Variants in VRTN observed in about 807,000 individuals in gnomAD.
The protein encoded by VRTN is vertebrae development associated.
VRTN carries 5 observed loss-of-function variants against 18.2 expected under a neutral mutation model. That is an observed-to-expected ratio of 0.27 (90% CI 0.14 to 0.58). The LOEUF (loss-of-function observed/expected upper bound fraction) is 0.58, where lower values mean the gene tolerates loss of function less well. Ranked by LOEUF, VRTN falls within the 20% of genes least tolerant of loss-of-function variation. The pLI is 0.91. For missense variants in VRTN, 741 were observed against 939.4 expected, an observed-to-expected ratio of 0.79 and a Z score of 2.76; for synonymous variants, 381 against 393.7, an observed-to-expected ratio of 0.97 and a Z score of 0.38.
chr14:74,338,471 G>C (rs2085579661), intron 2 of VRTN, among the ~76,000 whole-genome samples: 1 of 152,216 alleles, frequency 6.6e-6, no homozygotes, highest in Non-Finnish European at 1.5e-5. Flanking sequence ...CTTCTGTCCT[G>C]ACTGGAAGAC....
At chr14:74,349,915 G>C (rs1198311755) in intron 1 of VRTN, among the ~76,000 whole-genome samples, 1 of 152,158 alleles carries the variant, frequency 6.6e-6, no homozygotes, top group Non-Finnish European at 1.5e-5. Flanking sequence ...AGGAGGGGAT[G>C]AGCCTGTGCA....
At chr14:74,350,381 G>T (rs2085676063) in intron 1 of VRTN, among the ~76,000 whole-genome samples, 1 of 150,992 alleles carries the variant, frequency 6.6e-6, no homozygotes. Context: ...GGGAAGAGTA[G>T]ATAGGGTGGG....
At chr14:74,328,353 C>A (rs569391963) in intron 1 of VRTN, among the ~76,000 whole-genome samples, 57 of 152,116 alleles carry the variant, frequency 3.7e-4, no homozygotes, top group African/African-American at 1.3e-3. Flanking sequence ...GCCATTTCAG[C>A]CACAATACTC....
intron 2 of VRTN, among the ~76,000 whole-genome samples, chr14:74,342,079 C>T (rs1355047875): frequency 6.6e-6 from 1 of 152,036 alleles, no homozygotes; most frequent in Non-Finnish European, 1.5e-5. Flanking sequence ...ACAGATACGT[C>T]AGTCCAGGAG....
At chr14:74,323,755 G>C (rs2085470431) in intron 1 of VRTN, among the ~76,000 whole-genome samples, 1 of 152,074 alleles carries the variant, frequency 6.6e-6, no homozygotes, top group Non-Finnish European at 1.5e-5. Context: ...GGAAGGTCAG[G>C]GAATCAGGAG....
At chr14:74,303,266 T>C (rs1173646752) in intron 1 of VRTN, 6 of 233,356 alleles carry the variant, frequency 2.6e-5, no homozygotes, top group Non-Finnish European at 8.2e-6. Context: ...AAATTAGGCT[T>C]CCAGCCGGGC....
At chr14:74,306,156 A>ATTTTTTTTTTTTTTTTTTTTTTTTTTT (rs1567036588) in intron 1 of VRTN, 1 of 73,420 alleles carries the variant, frequency 1.4e-5, no homozygotes, top group African/African-American at 7.0e-5. Flanking sequence ...ATATATATAT[A>ATTTTTTTTTTTTTTTTTTTTTTTTTTT]TATATATATA....
At position 74,318,711 on chromosome 14, in the gene VRTN, CTT is replaced by C. The variant is rs35673718; in HGVS notation, c.-164+15555_-164+15556del. Among the ~76,000 whole-genome samples the C allele has an allele frequency of 4.9e-3, 593 of 121,630 alleles. 2 individuals are homozygous for C. Among genetic ancestry groups the C allele is most frequent in the African/African-American group, 0.018 (522 of 29,484 alleles). The allele number at this position is 121,630 out of a possible 152,430, so 79.8% of individuals were successfully genotyped here. On this transcript the variant is annotated intron_variant, in intron 1 of 2. Transcript: ENST00000557177. ...ACAGGCGTGAGCCACCGTGTCCGGC[CTT>C]TTTTTTTTTTTTTTTTTTTAAATGG...
At chr14:74,319,675 T>C (rs2085440904) in intron 1 of VRTN, among the ~76,000 whole-genome samples, 1 of 152,160 alleles carries the variant, frequency 6.6e-6, no homozygotes, top group South Asian at 2.1e-4. Context: ...ACATAAGCAA[T>C]TGGCTGTTTG....
chr14:74,345,808 C>T (rs1245783978), upstream of VRTN, among the ~76,000 whole-genome samples: 2 of 151,094 alleles, frequency 1.3e-5, no homozygotes, highest in African/African-American at 2.4e-5. Flanking sequence ...CCTGTAATCC[C>T]AGCTACTGGG....
chr14:74,340,960 T>G (rs371504485), intron 2 of VRTN, among the ~76,000 whole-genome samples: 5 of 151,824 alleles, frequency 3.3e-5, no homozygotes, highest in Non-Finnish European at 7.4e-5. Context: ...GCCAGGATGG[T>G]CTTGATCTCC....
intron 1 of VRTN, among the ~76,000 whole-genome samples, chr14:74,315,929 A>G (rs1178105344): frequency 6.6e-6 from 1 of 152,178 alleles, no homozygotes; most frequent in Non-Finnish European, 1.5e-5. Flanking sequence ...GTTGGGCCAC[A>G]GTGGCCCTCC....
At chr14:74,309,037 T>C (rs2085372179) in intron 1 of VRTN, among the ~76,000 whole-genome samples, 1 of 152,116 alleles carries the variant, frequency 6.6e-6, no homozygotes, top group South Asian at 2.1e-4. Context: ...TAATTTCTGT[T>C]TGAACCTCTT....
At chr14:74,304,375 C>G (rs1456579511) in intron 1 of VRTN, among the ~76,000 whole-genome samples, 1 of 151,966 alleles carries the variant, frequency 6.6e-6, no homozygotes, top group Non-Finnish European at 1.5e-5. Flanking sequence ...AGGCTGGTCT[C>G]GAACTCCCGA....
chr14:74,329,601 C>T (rs1341718293), intron 1 of VRTN, among the ~76,000 whole-genome samples: 5 of 148,816 alleles, frequency 3.4e-5, no homozygotes, highest in Non-Finnish European at 4.5e-5. Context: ...TTTTTTGAGA[C>T]GGAGTCTCAC....
upstream of VRTN, among the ~76,000 whole-genome samples, chr14:74,345,282 T>C (rs1322197902): frequency 1.3e-5 from 2 of 151,492 alleles, no homozygotes; most frequent in Admixed American, 1.3e-4. Context: ...TGGGCTCAAC[T>C]GATCCTTCTG....
exon 1 of VRTN, chr14:74,303,083 G>A (rs1357048282): frequency 1.3e-5 from 8 of 632,148 alleles, no homozygotes; most frequent in Non-Finnish European, 1.7e-5. Flanking sequence ...GTACCAGAGA[G>A]TGGACTCGGC....
intron 1 of VRTN, among the ~76,000 whole-genome samples, chr14:74,306,248 G>T (rs1459226396): frequency 6.9e-6 from 1 of 144,242 alleles, no homozygotes; most frequent in African/African-American, 2.6e-5. Flanking sequence ...ACAGCTGACC[G>T]CAGCCTCCAT....
Position 74,358,448 on chromosome 14 carries a change from G to A in VRTN, c.1665G>A (p.Leu555=), listed in dbSNP as rs759325155. The A allele has an allele frequency of 6.2e-6, 10 of 1,614,214 alleles. No homozygotes were observed. Among genetic ancestry groups the A allele is most frequent in the Non-Finnish European group, 8.5e-6 (10 of 1,180,038 alleles). The change falls in exon 2 of 2, where the codon CTG becomes CTA. Residue 555 remains leucine (L), a synonymous_variant. Transcript: ENST00000256362. This position sits in a 1 kb window ranked among gnomAD's most constrained non-coding sequence, Gnocchi z 5.4. Reference sequence around the variant, plus strand: ...TTGCTCGGGGTTGGCCCAGAGGCCTGTCCAAACTTCAGGTGCCGGTCCCCA... The same window carrying A: ...TTGCTCGGGGTTGGCCCAGAGGCCTATCCAAACTTCAGGTGCCGGTCCCCA... The part of the protein sequence containing the change: ...KSLARGWPRG[L]SKLQVPVPTL...
Sources: gnomAD v4.1 joint callset for allele counts (sites outside exome capture counted in the v4.1 genomes callset) on GRCh38, gnomAD v4.1.1 for gene constraint, Gnocchi (gnomAD v3.1) non-coding constraint, MANE v1.5 for transcripts, NCBI Gene and HGNC (gene_info 2026-07-23, HGNC 2026-07-21) for gene names.